Variants in IMPG2 observed in about 807,000 individuals in gnomAD.
IMPG2 encodes IPM 200.
In IMPG2, 91 loss-of-function variants were observed where a neutral mutation model predicts 129.2. The observed-to-expected ratio is 0.70, with a 90% CI of 0.59 to 0.84. The LOEUF is 0.84. Among genes scored for constraint, IMPG2 ranks in the 40% least tolerant of loss-of-function variants. The pLI, the probability that IMPG2 is intolerant of heterozygous loss-of-function variation, is 0.00. For missense variants in IMPG2, 1,430 were observed against 1,461.7 expected, an observed-to-expected ratio of 0.98 and a Z score of 0.35; for synonymous variants, 510 against 517.7, an observed-to-expected ratio of 0.99 and a Z score of 0.20.
chr3:101,283,568 A>G (rs935026722), intron 4 of IMPG2, among the ~76,000 whole-genome samples: 2 of 152,222 alleles, frequency 1.3e-5, no homozygotes, highest in African/African-American at 4.8e-5. Context: ...GTACATATAT[A>G]CAGAGTATAC....
In IMPG2 at chr3:101,244,352, T is replaced by C; in HGVS notation, c.1979A>G (p.Gln660Arg). The change falls in exon 13 of 19, where the codon CAA becomes CGA. Residue 660 changes from glutamine (Q) to arginine (R), a missense_variant. Transcript: ENST00000193391. ...VLVDKMDSTD[Q>R]ISKHSKYEHD... ...TTCATATTTTGAGTGCTTACTAATT[T>C]GGTCTGTGGAATCCATTTTGTCAAC... 6.2e-7 allele frequency: 1 copy of C among 1,614,128 alleles called. No individual in the cohort carries two copies. The highest frequency in any genetic ancestry group is 1.7e-4 in the Middle Eastern group (1 of 6,060).
chr3:101,227,592 T>C (rs935227659), intron 18 of IMPG2, among the ~76,000 whole-genome samples: 13 of 152,236 alleles, frequency 8.5e-5, no homozygotes, highest in African/African-American at 2.9e-4. Flanking sequence ...TTATTTCTAT[T>C]GGATACTACT....
At chr3:101,317,673 G>A (rs1391472370) in intron 2 of IMPG2, among the ~76,000 whole-genome samples, 1 of 152,040 alleles carries the variant, frequency 6.6e-6, no homozygotes, top group African/African-American at 2.4e-5. Context: ...TCTTGATGTG[G>A]TGTGCCAACC....
At chr3:101,294,826 C>T (rs1207024565) in intron 3 of IMPG2, among the ~76,000 whole-genome samples, 1 of 152,282 alleles carries the variant, frequency 6.6e-6, no homozygotes, top group South Asian at 2.1e-4. Flanking sequence ...TTTTGATTTG[C>T]TTTTCTCAAA....
At chr3:101,271,262 C>A (rs1160863656) in intron 7 of IMPG2, among the ~76,000 whole-genome samples, 1 of 152,072 alleles carries the variant, frequency 6.6e-6, no homozygotes, top group Admixed American at 6.5e-5. Flanking sequence ...TAATACTTCC[C>A]TGCTCACCTA....
At chr3:101,304,069 T>G (rs1458237360) in intron 3 of IMPG2, 77 bp downstream of exon 3, 8 of 1,503,272 alleles carry the variant, frequency 5.3e-6, no homozygotes, top group African/African-American at 1.4e-5. Flanking sequence ...GCCACTTGCT[T>G]TTGCTTCCTT....
chr3:101,260,133 G>A (rs140779006), intron 9 of IMPG2, among the ~76,000 whole-genome samples: 409 of 152,162 alleles, frequency 2.7e-3, no homozygotes, highest in African/African-American at 4.6e-3. Flanking sequence ...AGCCATAAAC[G>A]TGACACTTCC....
Position 101,285,791 on chromosome 3 carries a change from T to C in IMPG2, c.533+5688A>G, listed in dbSNP as rs183548652. ...TATATCATTTTTAATTTTAAATTTT[T>C]ATAAATTTTGGTAGATTTACGGGGT... On this transcript the variant is annotated intron_variant, in intron 4 of 18. Coordinates refer to ENST00000193391, the MANE Select transcript of IMPG2 (RefSeq NM_016247.4). Among the ~76,000 whole-genome samples, 21 of 152,358 alleles carry C rather than the reference T, an allele frequency of 1.4e-4. No individual in the cohort carries two copies. In the East Asian group the frequency reaches 3.5e-3, roughly 25 times the overall value.
intron 4 of IMPG2, among the ~76,000 whole-genome samples, chr3:101,290,713 T>C (rs1706998162): frequency 6.6e-6 from 1 of 152,086 alleles, no homozygotes; most frequent in South Asian, 2.1e-4. Context: ...CACCCACATA[T>C]ATATTCCATT....
intron 11 of IMPG2, among the ~76,000 whole-genome samples, chr3:101,248,137 C>T (rs960101899): frequency 1.3e-5 from 2 of 152,166 alleles, no homozygotes; most frequent in African/African-American, 4.8e-5. Flanking sequence ...TATGGTTTGA[C>T]TGTGTCCCCA....
intron 14 of IMPG2, among the ~76,000 whole-genome samples, chr3:101,236,973 AT>A (rs1460858273): frequency 6.6e-6 from 1 of 152,192 alleles, no homozygotes; most frequent in Admixed American, 6.5e-5. Flanking sequence ...CTGGTTTGAA[AT>A]TCTTGCTGCC....
At chr3:101,310,959 CT>C (rs1409438305) in intron 2 of IMPG2, among the ~76,000 whole-genome samples, 1 of 152,128 alleles carries the variant, frequency 6.6e-6, no homozygotes, top group Non-Finnish European at 1.5e-5. Flanking sequence ...GAAATTCATT[CT>C]TTTAAGTTAC....
intron 3 of IMPG2, among the ~76,000 whole-genome samples, chr3:101,293,711 A>G (rs1254709633): frequency 6.6e-6 from 1 of 152,232 alleles, no homozygotes. Flanking sequence ...CATCCACATT[A>G]AAAGTCTGTT....
rs56910465 is a variant in IMPG2 at position 101,273,564 on chromosome 3, T to G, written c.828+17A>C. 7.5e-4 allele frequency: 1,201 copies of G among 1,609,652 alleles called. 7 individuals carry two copies. The African/African-American group carries it at 0.011, about 14-fold the overall frequency. ...AGCAGGCATACTGCCTTGTTTGTTT[T>G]TTTTTTAATCACCCACCTCTGAAAT... is the stretch of plus-strand genomic sequence containing the variant. On this transcript the variant is annotated intron_variant, in intron 7 of 18. Coordinates refer to ENST00000193391, the MANE Select transcript of IMPG2 (RefSeq NM_016247.4).
intron 9 of IMPG2, among the ~76,000 whole-genome samples, chr3:101,265,129 T>C (rs1479293984): frequency 1.3e-5 from 2 of 152,016 alleles, no homozygotes; most frequent in African/African-American, 4.8e-5. Flanking sequence ...CCCAAAGCAA[T>C]CTACAGATTT....
chr3:101,292,810 C>T (rs1707034407), intron 3 of IMPG2, among the ~76,000 whole-genome samples: 1 of 152,146 alleles, frequency 6.6e-6, no homozygotes, highest in African/African-American at 2.4e-5. Flanking sequence ...TAGTCTAAAT[C>T]CTTTATTGTC....
intron 3 of IMPG2, among the ~76,000 whole-genome samples, chr3:101,299,977 TAGA>T (rs1468960359): frequency 5.9e-5 from 9 of 152,220 alleles, no homozygotes; most frequent in Non-Finnish European, 1.3e-4. Flanking sequence ...CTGGGTTGCC[TAGA>T]TTCCTCAGCA....
intron 2 of IMPG2, among the ~76,000 whole-genome samples, chr3:101,307,434 C>G (rs1222396862): frequency 1.3e-5 from 2 of 152,206 alleles, no homozygotes; most frequent in African/African-American, 4.8e-5. Flanking sequence ...AACTGACTCA[C>G]AGTTCCACAT....
chr3:101,243,919 A>C lies in IMPG2; in HGVS notation c.2412T>G (p.Ser804Arg). ...TCACAGATAACCAGAGCCTGTCAGCACTCTGTGGTGTACTTGCCAATATGT... is the reference window on the plus strand; with the variant it reads ...TCACAGATAACCAGAGCCTGTCAGCCCTCTGTGGTGTACTTGCCAATATGT... Reference protein sequence around the residue: ...SRDILASTPQSADRLWLSVTQ... With the variant: ...SRDILASTPQRADRLWLSVTQ... Residue 804 changes from serine (S) to arginine (R), a missense_variant, in exon 13 of 19, where the codon AGT becomes AGG. Physicochemically the swap from Ser to Arg is moderately radical, Grantham distance 110. Coordinates refer to ENST00000193391, the MANE Select transcript of IMPG2 (RefSeq NM_016247.4). 1 of 1,614,106 alleles carries C rather than the reference A, an allele frequency of 6.2e-7. No individual in the cohort carries two copies. Among genetic ancestry groups the C allele is most frequent in the Non-Finnish European group, 8.5e-7 (1 of 1,179,994 alleles).
Sources: allele counts gnomAD v4.1 joint callset (sites outside exome capture counted in the v4.1 genomes callset), GRCh38; gene constraint gnomAD v4.1.1; transcripts MANE v1.5; gene names NCBI Gene and HGNC (gene_info 2026-07-23, HGNC 2026-07-21).